RBFOX1: variants seen among roughly 807,000 people sequenced by gnomAD.
RBFOX1 encodes the protein RNA binding fox-1 homolog 1, also known as RNA binding protein fox-1 homolog 1.
Under a neutral mutation model 57.7 loss-of-function variants are expected in RBFOX1, and 8 were observed. The observed-to-expected ratio is 0.14, with a 90% CI of 0.08 to 0.25. The LOEUF (loss-of-function observed/expected upper bound fraction) is 0.25, where lower values mean the gene tolerates loss of function less well. Among genes scored for constraint, RBFOX1 ranks in the 10% least tolerant of loss-of-function variants. RBFOX1 has a pLI of 1.00. For synonymous variants in RBFOX1, 326 were observed against 222.4 expected, an observed-to-expected ratio of 1.47 and a Z score of -4.15; for missense variants, 611 against 548.5, an observed-to-expected ratio of 1.11 and a Z score of -1.14.
intron 1 of RBFOX1, among the ~76,000 whole-genome samples, chr16:6,036,755 CT>C (rs1345347677): frequency 2.0e-5 from 3 of 152,200 alleles, no homozygotes; most frequent in Admixed American, 6.5e-5. Context: ...CACCAGTGAA[CT>C]TCAAGGGCTT....
intron 2 of RBFOX1, among the ~76,000 whole-genome samples, chr16:6,363,257 A>C (rs538162847): frequency 1.3e-5 from 2 of 152,184 alleles, no homozygotes; most frequent in Non-Finnish European, 2.9e-5. Flanking sequence ...TAGTAAACTT[A>C]GTAAAGCACC....
At chr16:5,930,820 G>A (rs577096870) in intron 4 of RBFOX1, among the ~76,000 whole-genome samples, 8 of 145,268 alleles carry the variant, frequency 5.5e-5, no homozygotes, top group African/African-American at 2.1e-4. Context: ...GAGGGTGGAT[G>A]GTTGCATGGA....
intron 3 of RBFOX1, among the ~76,000 whole-genome samples, chr16:6,861,504 T>G (rs1438408409): frequency 7.3e-6 from 1 of 137,124 alleles, no homozygotes; most frequent in Non-Finnish European, 1.6e-5. Flanking sequence ...CCGACTCAAT[T>G]ACAAGAATAA....
chr16:5,611,701 C>G (rs1013526788), intron 3 of RBFOX1, among the ~76,000 whole-genome samples: 27 of 34,140 alleles, frequency 7.9e-4, no homozygotes, highest in African/African-American at 2.2e-3. Context: ...CCCCCACCCA[C>G]TCTCCCATCC....
At chr16:6,272,992 G>A (rs976700185) in intron 1 of RBFOX1, among the ~76,000 whole-genome samples, 1 of 152,156 alleles carries the variant, frequency 6.6e-6, no homozygotes, top group African/African-American at 2.4e-5. Flanking sequence ...CGTTACATTG[G>A]CTCATGCCTG....
At chr16:5,759,092 T>G (rs776694300) in intron 3 of RBFOX1, among the ~76,000 whole-genome samples, 10 of 152,204 alleles carry the variant, frequency 6.6e-5, no homozygotes, top group Non-Finnish European at 1.3e-4. Flanking sequence ...TAGTATATAC[T>G]TCTCTGAAGA....
chr16:6,841,592 TGAA>T lies in RBFOX1; in HGVS notation c.-16+186945_-16+186947del, dbSNP rs2093466535. ...CTCCTACGAGCTGTCCACCCACAGT[TGAA>T]GAGCTAATTTTACTCTCAAAACTCT... is the stretch of plus-strand genomic sequence containing the variant. On this transcript the variant is annotated intron_variant, in intron 3 of 15. Transcript: ENST00000550418. Among the ~76,000 whole-genome samples the T allele has an allele frequency of 3.3e-5, 5 of 152,232 alleles. No homozygotes were observed. In the East Asian group the frequency reaches 7.8e-4, roughly 24 times the overall value.
intron 3 of RBFOX1, among the ~76,000 whole-genome samples, chr16:6,966,761 GTCTATCTATCTATCTA>G (rs57023399): frequency 0.51 from 75,465 of 148,828 alleles, 20,206 homozygotes; most frequent in Non-Finnish European, 0.6. Context: ...CTGTCTGTCT[GTCTATCTATCTATCTA>G]TCTATCTATC....
At chr16:6,210,617 T>C (rs950064665) in intron 1 of RBFOX1, among the ~76,000 whole-genome samples, 1 of 151,820 alleles carries the variant, frequency 6.6e-6, no homozygotes, top group Admixed American at 6.6e-5. Context: ...AACTACTTGG[T>C]AGGCTGAGCT....
intron 3 of RBFOX1, among the ~76,000 whole-genome samples, chr16:6,687,961 T>C (rs2059679758): frequency 6.6e-6 from 1 of 152,222 alleles, no homozygotes; most frequent in Admixed American, 6.5e-5. Context: ...AAATGAAAGA[T>C]GACACATGCT....
intron 1 of RBFOX1, among the ~76,000 whole-genome samples, chr16:5,313,328 C>G (rs2064142576): frequency 6.6e-6 from 1 of 152,146 alleles, no homozygotes; most frequent in Admixed American, 6.5e-5. Flanking sequence ...GACAAGACAG[C>G]TCTAGATATG....
chr16:6,450,827 A>ATATATGTG (rs2094594725), intron 2 of RBFOX1, among the ~76,000 whole-genome samples: 1 of 35,830 alleles, frequency 2.8e-5, no homozygotes, highest in Non-Finnish European at 4.8e-5. Context: ...ACATATATAT[A>ATATATGTG]TATATATATG....
intron 14 of RBFOX1, among the ~76,000 whole-genome samples, chr16:7,703,093 T>A (rs1163551012): frequency 2.0e-5 from 3 of 148,348 alleles, no homozygotes; most frequent in Admixed American, 1.4e-4. Flanking sequence ...CTAAAGAGCA[T>A]GCTTTTAGAA....
At chr16:7,061,087 G>A (rs976645859) in intron 4 of RBFOX1, among the ~76,000 whole-genome samples, 1 of 151,960 alleles carries the variant, frequency 6.6e-6, no homozygotes, top group South Asian at 2.1e-4. Context: ...AAGTTTGCTT[G>A]CTTTAATCTT....
intron 4 of RBFOX1, among the ~76,000 whole-genome samples, chr16:7,139,623 G>C (rs1567418478): frequency 6.6e-6 from 1 of 152,146 alleles, no homozygotes; most frequent in African/African-American, 2.4e-5. Flanking sequence ...AAGGATCAGA[G>C]ACCTGAGTCC....
chr16:7,418,782 C>G (rs977141277), intron 4 of RBFOX1, among the ~76,000 whole-genome samples: 2 of 150,094 alleles, frequency 1.3e-5, no homozygotes, highest in Non-Finnish European at 3.0e-5. Flanking sequence ...GTGTCTCTAT[C>G]TCTGTCTTTC....
rs1602148729 is a variant in RBFOX1 at position 7,183,775 on chromosome 16, A to G, written c.27+131677A>G. Among the ~76,000 whole-genome samples, 5 of 152,302 alleles carry G rather than the reference A, an allele frequency of 3.3e-5. No individual in the cohort carries two copies. The South Asian group carries it at 8.3e-4, about 25-fold the overall frequency. ...TTGATAAAGCTTAGGAGGACATTTCATCTCCTTTCAGTGTGGTTCAGCAAG... is the reference window on the plus strand; with the variant it reads ...TTGATAAAGCTTAGGAGGACATTTCGTCTCCTTTCAGTGTGGTTCAGCAAG... On this transcript the variant is annotated intron_variant, in intron 4 of 15. Transcript: ENST00000550418.
At chr16:6,167,646 G>C (rs899680760) in intron 1 of RBFOX1, among the ~76,000 whole-genome samples, 1 of 152,158 alleles carries the variant, frequency 6.6e-6, no homozygotes, top group Non-Finnish European at 1.5e-5. Context: ...ATTATAACTT[G>C]CCCTTTAGTC....
chr16:7,281,084 C>A (rs1254109478), intron 4 of RBFOX1, among the ~76,000 whole-genome samples: 4 of 151,120 alleles, frequency 2.6e-5, no homozygotes, highest in Non-Finnish European at 5.9e-5. Context: ...CTCACTGCAA[C>A]CTCTGCCTCC....
Sources: gnomAD v4.1 joint callset for allele counts (sites outside exome capture counted in the v4.1 genomes callset) on GRCh38, gnomAD v4.1.1 for gene constraint, MANE v1.5 for transcripts, NCBI Gene and HGNC (gene_info 2026-07-23, HGNC 2026-07-21) for gene names.